The following TFDP2 variants were observed in gnomAD, a reference collection of about 807,000 sequenced individuals.
TFDP2 encodes transcription factor Dp-2.
TFDP2 carries 17 observed loss-of-function variants against 59.3 expected under a neutral mutation model. The ratio of observed to expected loss-of-function variants is 0.29; its 90% confidence interval spans 0.20 to 0.43. The LOEUF (loss-of-function observed/expected upper bound fraction) is 0.43. TFDP2 is among the 20% of genes least tolerant of loss of function. The pLI is 1.00. For missense variants in TFDP2, 391 were observed against 528.8 expected (o/e 0.74, Z 2.56); for synonymous variants, 180 against 194.7 (o/e 0.92, Z 0.63).
intron 3 of TFDP2, among the ~76,000 whole-genome samples, chr3:142,058,360 A>G (rs111537961): frequency 6.6e-6 from 1 of 150,946 alleles, no homozygotes; most frequent in African/African-American, 2.4e-5. Flanking sequence ...CAATTCTCCA[A>G]TTCTTCAGAC....
intron 1 of TFDP2, among the ~76,000 whole-genome samples, chr3:142,134,335 C>A (rs1156539275): frequency 7.0e-6 from 1 of 143,058 alleles, no homozygotes; most frequent in Non-Finnish European, 1.5e-5. Context: ...GGCAACAGAG[C>A]GAGACCCCAT....
At chr3:141,994,903 G>A (rs1943118487) in intron 5 of TFDP2, 117 bp downstream of exon 5, 4 of 850,924 alleles carry the variant, frequency 4.7e-6, no homozygotes, top group Middle Eastern at 6.6e-4. Context: ...TGATTTTAAA[G>A]GAAAAACATT....
chr3:142,052,270 G>T (rs1369310637), intron 3 of TFDP2, among the ~76,000 whole-genome samples: 1 of 152,056 alleles, frequency 6.6e-6, no homozygotes, highest in Admixed American at 6.6e-5. Context: ...GTGCGCGGTG[G>T]CTCACGCCTA....
At chr3:141,955,443 C>T (rs2107843533) in intron 11 of TFDP2, among the ~76,000 whole-genome samples, 1 of 152,300 alleles carries the variant, frequency 6.6e-6, no homozygotes, top group South Asian at 2.1e-4. Flanking sequence ...TATTCAGATT[C>T]TGCTGGCCTT....
chr3:141,992,953 T>C (rs1424462757), intron 6 of TFDP2, among the ~76,000 whole-genome samples: 3 of 152,226 alleles, frequency 2.0e-5, no homozygotes, highest in African/African-American at 7.2e-5. Context: ...GAAGCCACTG[T>C]CCTAATATTC....
chr3:142,117,559 GCA>G (rs1016883856), intron 1 of TFDP2, among the ~76,000 whole-genome samples: 1 of 152,140 alleles, frequency 6.6e-6, no homozygotes, highest in African/African-American at 2.4e-5. Context: ...TTTGCAAAAA[GCA>G]CAGACAAAAC....
chr3:142,026,725 T>G (rs539716507), intron 3 of TFDP2, among the ~76,000 whole-genome samples: 22 of 152,236 alleles, frequency 1.4e-4, no homozygotes, highest in South Asian at 6.2e-4. Flanking sequence ...GTTTTCACTT[T>G]CCTCATTATG....
chr3:142,022,160 T>C (rs1350738546), intron 3 of TFDP2, among the ~76,000 whole-genome samples: 4 of 152,156 alleles, frequency 2.6e-5, no homozygotes, highest in Non-Finnish European at 4.4e-5. Flanking sequence ...TCTTCCCAAA[T>C]ATGAGTGATC....
intron 11 of TFDP2, among the ~76,000 whole-genome samples, chr3:141,954,991 C>A (rs563613626): frequency 9.2e-5 from 14 of 152,218 alleles, no homozygotes; most frequent in African/African-American, 3.4e-4. Context: ...AAAGAGACTT[C>A]AAGTCTAAGA....
chr3:142,098,791 A>G (rs1409205238), intron 2 of TFDP2, among the ~76,000 whole-genome samples: 1 of 152,164 alleles, frequency 6.6e-6, no homozygotes, highest in South Asian at 2.1e-4. Context: ...TTATGAGGCC[A>G]ATGCAAGCCA....
At chr3:142,105,843 ATC>A (rs764826738) in intron 1 of TFDP2, among the ~76,000 whole-genome samples, 13 of 152,308 alleles carry the variant, frequency 8.5e-5, no homozygotes, top group Non-Finnish European at 1.8e-4. Context: ...TTACCTTAAC[ATC>A]TCTGTGTCTC....
chr3:142,135,975 G>A (rs916189342), intron 1 of TFDP2, among the ~76,000 whole-genome samples: 8 of 151,972 alleles, frequency 5.3e-5, no homozygotes, highest in East Asian at 3.8e-4. Flanking sequence ...TTGAGGAATC[G>A]CCACACTGTC....
intron 3 of TFDP2, among the ~76,000 whole-genome samples, chr3:142,009,897 G>C (rs1166781483): frequency 6.6e-6 from 1 of 151,236 alleles, no homozygotes; most frequent in East Asian, 1.9e-4. Flanking sequence ...TTTTCACACT[G>C]AACAAAAATA....
At chr3:142,132,441 A>G (rs1446225134) in intron 1 of TFDP2, among the ~76,000 whole-genome samples, 1 of 149,944 alleles carries the variant, frequency 6.7e-6, no homozygotes, top group Admixed American at 6.6e-5. Flanking sequence ...CATCTTTTAA[A>G]AAACAATGTT....
At chr3:142,050,276 AT>A (rs1947549561) in intron 3 of TFDP2, among the ~76,000 whole-genome samples, 2 of 148,494 alleles carry the variant, frequency 1.3e-5, no homozygotes, top group Admixed American at 6.7e-5. Flanking sequence ...AAAAAAAAAA[AT>A]AATAAAAAAA....
chr3:142,102,320 A>G (rs1007872150), intron 1 of TFDP2, among the ~76,000 whole-genome samples: 1 of 151,952 alleles, frequency 6.6e-6, no homozygotes, highest in Non-Finnish European at 1.5e-5. Flanking sequence ...AACAGATTAT[A>G]AACCCATTGA....
intron 6 of TFDP2, among the ~76,000 whole-genome samples, chr3:141,990,289 G>A (rs1942617368): frequency 6.6e-6 from 1 of 151,584 alleles, no homozygotes; most frequent in Admixed American, 6.6e-5. Flanking sequence ...CCGCTGTGTT[G>A]ACCAGGCTGG....
At chr3:142,036,149 T>C (rs759803914) in intron 3 of TFDP2, among the ~76,000 whole-genome samples, 2 of 152,212 alleles carry the variant, frequency 1.3e-5, no homozygotes, top group Non-Finnish European at 2.9e-5. Context: ...ACTTCAGTCC[T>C]CTATATGAGA....
At chr3:142,021,672 A>G (rs1002749593) in intron 3 of TFDP2, among the ~76,000 whole-genome samples, 1 of 152,204 alleles carries the variant, frequency 6.6e-6, no homozygotes, top group Admixed American at 6.5e-5. Context: ...AAATTCTTAA[A>G]TTTGAAAGGA....
Sources: gnomAD v4.1 joint callset for allele counts (sites outside exome capture counted in the v4.1 genomes callset) on GRCh38, gnomAD v4.1.1 for gene constraint, MANE v1.5 for transcripts, NCBI Gene and HGNC (gene_info 2026-07-23, HGNC 2026-07-21) for gene names.